Variants in RYK observed in about 807,000 individuals in gnomAD.
The protein encoded by RYK is receptor like tyrosine kinase.
A neutral mutation model predicts 70.2 loss-of-function variants in RYK; 21 were observed. The observed-to-expected ratio is 0.30, with a 90% confidence interval of 0.21 to 0.43. The LOEUF (loss-of-function observed/expected upper bound fraction) is 0.43. Ranked by LOEUF, RYK falls within the 20% of genes least tolerant of loss-of-function variation. The pLI, the probability that RYK is intolerant of heterozygous loss-of-function variation, is 1.00. For missense variants in RYK, 604 were observed against 753.3 expected (o/e 0.80, Z 2.32); for synonymous variants, 267 against 278.0 (o/e 0.96, Z 0.39).
At chr3:134,206,880 T>A (rs1441235782) in intron 5 of RYK, among the ~76,000 whole-genome samples, 1 of 152,112 alleles carries the variant, frequency 6.6e-6, no homozygotes, top group Non-Finnish European at 1.5e-5. Context: ...CAAAACCAAT[T>A]TTTTAAAGTC....
intron 13 of RYK, among the ~76,000 whole-genome samples, chr3:134,168,174 G>T (rs1265429522): frequency 2.0e-5 from 3 of 152,240 alleles, no homozygotes; most frequent in African/African-American, 7.2e-5. Flanking sequence ...CTGTTGGTGG[G>T]ACTGTAAACT....
At chr3:134,168,517 A>C (rs1332449281) in intron 13 of RYK, among the ~76,000 whole-genome samples, 1 of 152,058 alleles carries the variant, frequency 6.6e-6, no homozygotes, top group Non-Finnish European at 1.5e-5. Context: ...AAACTATCGC[A>C]AGGACAAAAA....
chr3:134,249,917 G>GTTTTTTTTTTTTTT lies in RYK; in HGVS notation c.232+492_232+505dup, dbSNP rs71624038. On this transcript the variant is annotated intron_variant, in intron 1 of 14. Transcript: ENST00000623711. Reference sequence around the variant, plus strand: ...TATAACCTCCCCTTCTTTCTCTCTCGTTTTTTTTTTTTTTTTTTTTTTTTT... The same window carrying GTTTTTTTTTTTTTT: ...TATAACCTCCCCTTCTTTCTCTCTCGTTTTTTTTTTTTTTTTTTTTTTTTTTTTTTTTTTTTTTT... Among the ~76,000 whole-genome samples, 57 of 93,332 alleles carry GTTTTTTTTTTTTTT rather than the reference G, an allele frequency of 6.1e-4. 6 individuals carry two copies. Among genetic ancestry groups the GTTTTTTTTTTTTTT allele is most frequent in the African/African-American group, 2.9e-3 (55 of 18,898 alleles). The allele number at this position is 93,332 out of a possible 152,430, so 61.2% of individuals were successfully genotyped here. A position where few individuals can be genotyped will look rare whatever the true frequency, so the allele number is the denominator to read the frequency against.
chr3:134,176,593 TA>T (rs1313541778), intron 11 of RYK, among the ~76,000 whole-genome samples: 3 of 149,994 alleles, frequency 2.0e-5, no homozygotes, highest in East Asian at 4.1e-4. Flanking sequence ...GATTTTTTTT[TA>T]AATTAGCCAG....
chr3:134,233,668 A>G (rs1333713015), intron 1 of RYK, among the ~76,000 whole-genome samples: 2 of 152,204 alleles, frequency 1.3e-5, no homozygotes, highest in African/African-American at 2.4e-5. Flanking sequence ...ACCTCAAGTC[A>G]TGATATCCTC....
intron 5 of RYK, among the ~76,000 whole-genome samples, chr3:134,204,171 T>G (rs1241192166): frequency 2.0e-5 from 3 of 152,104 alleles, no homozygotes; most frequent in African/African-American, 7.2e-5. Flanking sequence ...ATTCATTAAA[T>G]AAAATGATAC....
chr3:134,168,966 C>T lies in RYK; in HGVS notation c.1575+6643G>A, dbSNP rs73861336. ...CAAACAGGGAGTTAAAAGAGTCATA[C>T]GTAGCAATGTGCTGCAGATGCAGTC... On this transcript the variant is annotated intron_variant, in intron 13 of 14. Coordinates refer to ENST00000623711, the MANE Select transcript of RYK (RefSeq NM_002958.4). 3.4e-3 allele frequency among the ~76,000 whole-genome samples: 516 copies of T among 152,192 alleles called. 1 individual carries two copies. The highest frequency in any genetic ancestry group is 0.012 in the African/African-American group (497 of 41,522).
chr3:134,246,303 TACACAC>T lies in RYK; in HGVS notation c.232+4114_232+4119del, dbSNP rs71139521. 1.5e-3 allele frequency among the ~76,000 whole-genome samples: 131 copies of T among 89,208 alleles called. 1 individual carries two copies. The highest frequency in any genetic ancestry group is 8.1e-3 in the Middle Eastern group (1 of 124). 58.5% of individuals were successfully genotyped at this position (89,208 alleles called of 152,430 possible). The stretch of plus-strand genomic sequence containing the variant: ...AACCAACAGACATCTCAGAAAGAAA[TACACAC>T]ACACACACACACACACACACACACA... On this transcript the variant is annotated intron_variant, in intron 1 of 14. Coordinates refer to ENST00000623711, the MANE Select transcript of RYK (RefSeq NM_002958.4).
chr3:134,250,316 G>C (rs1267447770), intron 1 of RYK, 107 bp downstream of exon 1: 6 of 501,516 alleles, frequency 1.2e-5, no homozygotes, highest in Non-Finnish European at 1.5e-5. Flanking sequence ...CGGGGGGCGG[G>C]GAGGGTACTC....
intron 1 of RYK, among the ~76,000 whole-genome samples, chr3:134,239,434 C>T (rs2015267719): frequency 6.6e-6 from 1 of 151,952 alleles, no homozygotes; most frequent in Admixed American, 6.6e-5. Context: ...TACACTCCAG[C>T]CTGGGCAACA....
chr3:134,248,779 C>T (rs543012841), intron 1 of RYK, among the ~76,000 whole-genome samples: 21 of 152,196 alleles, frequency 1.4e-4, no homozygotes, highest in South Asian at 1.0e-3. Flanking sequence ...GCCTGGGTGA[C>T]AAGAGCGAGA....
chr3:134,229,314 CTCTT>C (rs2014993314), intron 1 of RYK, among the ~76,000 whole-genome samples: 3 of 145,288 alleles, frequency 2.1e-5, no homozygotes, highest in Admixed American at 1.4e-4. Context: ...CTCTCTCTCT[CTCTT>C]TCTCTTTCCC....
chr3:134,190,433 G>A (rs1417407282), intron 8 of RYK, among the ~76,000 whole-genome samples: 1 of 151,922 alleles, frequency 6.6e-6, no homozygotes, highest in Non-Finnish European at 1.5e-5. Context: ...AAATATATAT[G>A]TACATATTAC....
intron 1 of RYK, among the ~76,000 whole-genome samples, chr3:134,245,978 C>T (rs1428377118): frequency 6.6e-6 from 1 of 151,708 alleles, no homozygotes; most frequent in East Asian, 1.9e-4. Context: ...ATGACTTAAA[C>T]AAACAAAGAA....
intron 5 of RYK, among the ~76,000 whole-genome samples, chr3:134,207,232 G>C (rs553861433): frequency 6.6e-6 from 1 of 152,174 alleles, no homozygotes; most frequent in South Asian, 2.1e-4. Flanking sequence ...TGATATTCTT[G>C]CTTGTAAAAC....
At chr3:134,246,360 A>G (rs2015468245) in intron 1 of RYK, among the ~76,000 whole-genome samples, 1 of 133,846 alleles carries the variant, frequency 7.5e-6, no homozygotes, top group Non-Finnish European at 1.6e-5. Flanking sequence ...AGAGAAAATA[A>G]AGGGTGGGAA....
At chr3:134,201,075 C>T (rs1576517995) in intron 6 of RYK, among the ~76,000 whole-genome samples, 1 of 152,368 alleles carries the variant, frequency 6.6e-6, no homozygotes, top group African/African-American at 2.4e-5. Flanking sequence ...TTCCAAATGT[C>T]ATGCTCTTCA....
chr3:134,163,667 T>C (rs377538931), intron 13 of RYK, among the ~76,000 whole-genome samples: 62 of 152,338 alleles, frequency 4.1e-4, no homozygotes, highest in African/African-American at 1.5e-3. Context: ...TTTCCAGTGA[T>C]TACTTCAGGA....
intron 6 of RYK, among the ~76,000 whole-genome samples, chr3:134,197,416 T>A (rs969295859): frequency 6.6e-6 from 1 of 152,212 alleles, no homozygotes; most frequent in South Asian, 2.1e-4. Flanking sequence ...CACTATCCTC[T>A]GATAAGATTG....
Sources: allele counts gnomAD v4.1 joint callset (sites outside exome capture counted in the v4.1 genomes callset), GRCh38; gene constraint gnomAD v4.1.1; transcripts MANE v1.5; gene names NCBI Gene and HGNC (gene_info 2026-07-23, HGNC 2026-07-21).